SPECC1: variants seen among roughly 807,000 people sequenced by gnomAD.
The protein encoded by SPECC1 is sperm antigen with calponin homology and coiled-coil domains 1.
SPECC1 carries 62 observed loss-of-function variants against 104.1 expected under a neutral mutation model. That is an observed-to-expected ratio of 0.60 (90% CI 0.49 to 0.74). The LOEUF is 0.74. Among genes scored for constraint, SPECC1 ranks in the 30% least tolerant of loss-of-function variants. The probability of loss-of-function intolerance (pLI) is 0.00; values close to 1 mark genes in which losing one functional copy is unlikely to be tolerated. For missense variants in SPECC1, 1,306 were observed against 1,310.5 expected, an observed-to-expected ratio of 1.00 and a Z score of 0.05; for synonymous variants, 513 against 501.6, an observed-to-expected ratio of 1.02 and a Z score of -0.30.
intron 4 of SPECC1, among the ~76,000 whole-genome samples, chr17:20,209,086 A>G (rs1187690894): frequency 6.6e-6 from 1 of 152,222 alleles, no homozygotes; most frequent in African/African-American, 2.4e-5. Context: ...AAGTTATAAC[A>G]ACAGATTTTC....
At chr17:20,166,027 T>C (rs899535466) in intron 3 of SPECC1, among the ~76,000 whole-genome samples, 23 of 152,222 alleles carry the variant, frequency 1.5e-4, no homozygotes, top group Admixed American at 1.5e-3. Context: ...CAAAATGTGA[T>C]TTAATTGTGG....
intron 5 of SPECC1, among the ~76,000 whole-genome samples, chr17:20,229,176 A>T (rs950205839): frequency 6.6e-6 from 1 of 152,148 alleles, no homozygotes; most frequent in Non-Finnish European, 1.5e-5. Flanking sequence ...GCTTAATACC[A>T]TGCTTTTAAC....
intron 14 of SPECC1, among the ~76,000 whole-genome samples, chr17:20,312,651 C>CAG (rs2041962995): frequency 6.6e-6 from 1 of 152,178 alleles, no homozygotes; most frequent in Non-Finnish European, 1.5e-5. Flanking sequence ...GTTGCCAGGC[C>CAG]TCAGTCTGTG....
intron 1 of SPECC1, among the ~76,000 whole-genome samples, chr17:20,048,153 A>G (rs1024663202): frequency 5.2e-5 from 7 of 135,352 alleles, no homozygotes; most frequent in African/African-American, 2.0e-4. Context: ...TTTTTTTTTG[A>G]GACAGAGTCT....
intron 7 of SPECC1, chr17:20,237,718 A>G (rs907316314): frequency 8.2e-5 from 16 of 194,624 alleles, no homozygotes; most frequent in South Asian, 1.9e-4. Context: ...ATAGGAAGCC[A>G]TCTGCGTGAT....
chr17:20,061,267 T>A (rs9916729), intron 1 of SPECC1, among the ~76,000 whole-genome samples: 18,844 of 152,252 alleles, frequency 0.12, 1,155 homozygotes, highest in Non-Finnish European at 0.13. Flanking sequence ...AGACAGTGTT[T>A]CACCATGTTG....
intron 1 of SPECC1, among the ~76,000 whole-genome samples, chr17:20,049,108 A>G (rs2045647480): frequency 6.6e-6 from 1 of 152,130 alleles, no homozygotes; most frequent in African/African-American, 2.4e-5. Context: ...CAAAGGATAT[A>G]TGCACTTGTA....
chr17:20,167,701 C>G (rs1363409363), intron 3 of SPECC1, among the ~76,000 whole-genome samples: 1 of 151,976 alleles, frequency 6.6e-6, no homozygotes, highest in African/African-American at 2.4e-5. Context: ...AAAATACCTC[C>G]TCAAATAATC....
intron 1 of SPECC1, among the ~76,000 whole-genome samples, chr17:20,034,120 G>A (rs914664762): frequency 3.3e-5 from 5 of 150,104 alleles, no homozygotes; most frequent in Admixed American, 6.6e-5. Flanking sequence ...CTTTTGAGAC[G>A]GAGTCTCGCT....
chr17:20,112,816 T>C, intron 3 of SPECC1: 1 of 1,571,794 alleles, frequency 6.4e-7, no homozygotes. Context: ...CCTTAAAAAA[T>C]GCAAAGTTGA....
chr17:20,123,865 C>T (rs1397792836), intron 3 of SPECC1, among the ~76,000 whole-genome samples: 5 of 152,214 alleles, frequency 3.3e-5, no homozygotes, highest in Non-Finnish European at 5.9e-5. Flanking sequence ...GAAATAGTAT[C>T]CTTATTATCA....
intron 12 of SPECC1, among the ~76,000 whole-genome samples, chr17:20,290,093 C>T (rs531027637): frequency 2.6e-5 from 4 of 152,154 alleles, no homozygotes; most frequent in African/African-American, 9.6e-5. Flanking sequence ...TCAAATACGG[C>T]CGAGCCCCCA....
chr17:20,017,664 C>T (rs970092738), intron 1 of SPECC1: 1 of 152,226 alleles, frequency 6.6e-6, no homozygotes, highest in African/African-American at 2.4e-5. Context: ...CATGCAAATA[C>T]AAGCAAATAT....
intron 12 of SPECC1, 47 bp from the exon 13 acceptor site, chr17:20,296,914 C>T (rs970186091): frequency 1.3e-6 from 2 of 1,546,984 alleles, no homozygotes; most frequent in Non-Finnish European, 1.8e-6. Context: ...TGTGATACTG[C>T]ACAGTTTGCA....
intron 1 of SPECC1, among the ~76,000 whole-genome samples, chr17:20,015,938 G>A (rs1462777822): frequency 1.4e-5 from 2 of 147,750 alleles, no homozygotes; most frequent in Non-Finnish European, 3.0e-5. Context: ...TAGGCAGGGC[G>A]CAGTGGCTCA....
chr17:20,098,630 G>A (rs1048968568), intron 2 of SPECC1, among the ~76,000 whole-genome samples: 5 of 152,220 alleles, frequency 3.3e-5, no homozygotes, highest in African/African-American at 4.8e-5. Context: ...GGTGTTTGGT[G>A]ACAGCTGTCC....
chr17:20,122,191 C>T (rs903450101), intron 3 of SPECC1, among the ~76,000 whole-genome samples: 4 of 152,122 alleles, frequency 2.6e-5, no homozygotes, highest in African/African-American at 9.7e-5. Flanking sequence ...GATGGGGGAG[C>T]TTGCGAGTCA....
rs1411906610 is a variant in SPECC1, at chr17:20,186,017, T to C, written c.284-18316T>C. Among the ~76,000 whole-genome samples the C allele has an allele frequency of 2.0e-5, 3 of 152,178 alleles. No individual in the cohort carries two copies. The South Asian group carries it at 6.2e-4, about 32-fold the overall frequency. On this transcript the variant is annotated intron_variant, in intron 3 of 14. Transcript: ENST00000395527. ...CACACCCAGCTAATTTTGGTATTTTTAGTAGAGGCGGGGTTTCACCATGTT... is the reference window on the plus strand; with the variant it reads ...CACACCCAGCTAATTTTGGTATTTTCAGTAGAGGCGGGGTTTCACCATGTT...
chr17:20,210,646 G>A (rs1031902667), intron 4 of SPECC1, among the ~76,000 whole-genome samples: 2 of 152,214 alleles, frequency 1.3e-5, no homozygotes, highest in Non-Finnish European at 1.5e-5. Flanking sequence ...CAAGGTGGGG[G>A]TGGCTTTTGG....
Sources: allele counts gnomAD v4.1 joint callset (sites outside exome capture counted in the v4.1 genomes callset), GRCh38; gene constraint gnomAD v4.1.1; transcripts MANE v1.5; gene names NCBI Gene and HGNC (gene_info 2026-07-23, HGNC 2026-07-21).